ATG9A: variants seen among roughly 807,000 people sequenced by gnomAD.
ATG9A encodes autophagy-related protein 9A.
In ATG9A, 21 loss-of-function variants were observed where a neutral mutation model predicts 87.1. The ratio of observed to expected loss-of-function variants is 0.24; its 90% CI spans 0.17 to 0.35. The LOEUF (loss-of-function observed/expected upper bound fraction) is 0.35, where lower values mean the gene tolerates loss of function less well. Among genes scored for constraint, ATG9A ranks in the 10% least tolerant of loss-of-function variants. ATG9A has a pLI of 1.00. For missense variants in ATG9A, 836 were observed against 1,107.3 expected (o/e 0.76, Z 3.48); for synonymous variants, 422 against 441.3 (o/e 0.96, Z 0.55).
In ATG9A at chr2:219,225,477, T is replaced by A. The variant is rs963455086; in HGVS notation, c.308A>T (p.His103Leu). The A allele has an allele frequency of 1.2e-6, 2 of 1,613,894 alleles. No individual in the cohort carries two copies. Among genetic ancestry groups the A allele is most frequent in the East Asian group, 4.5e-5 (2 of 44,894 alleles). ...AGTGACCTTGACGGGTTCAGTAGGG[T>A]GAAGACTGTGGTTCACCATCTTGTT... is the stretch of plus-strand genomic sequence containing the variant. ...FANKMVNHSL[H>L]PTEPVKVTLP... The change falls in exon 6 of 16, where the codon CAC (histidine) becomes CTC (leucine). Residue 103 changes from histidine to leucine, a missense_variant. His to Leu is a moderately conservative substitution (Grantham distance 99, BLOSUM62 -3). Around this residue, in one of 2 missense-constraint regions of ATG9A, gnomAD observed 512 missense variants for 759.6 expected, o/e 0.67. Transcript: ENST00000361242.
rs754274617 is a variant in ATG9A, at chr2:219,224,095, C to A, written c.1265+11G>T. 11 of 1,610,842 alleles carry A rather than the reference C, an allele frequency of 6.8e-6. No individual in the cohort carries two copies. The highest frequency in any genetic ancestry group is 9.3e-6 in the Non-Finnish European group (11 of 1,177,852). The stretch of plus-strand genomic sequence containing the variant: ...CTAGCCGGCTTGCTCCCGCCTGTGG[C>A]CCTGGCCCACCTGCACACGGTCACG... On this transcript the variant is annotated intron_variant, in intron 8 of 15. Coordinates refer to ENST00000361242, the MANE Select transcript of ATG9A (RefSeq NM_001077198.3). This position sits in a 1 kb window ranked among gnomAD's most constrained non-coding sequence, Gnocchi z 7.7.
At position 219,227,938 on chromosome 2, in the gene ATG9A, G is replaced by A. The variant is rs766480047; in HGVS notation, c.87C>T (p.Val29=). ...PPGEEDLLVH[V]AEGSKSPWHH... ...AGAACTCACACTTGCTCCCCTCGGC[G>A]ACGTGCACCAACAGGTCCTCCTCCC... The change falls in exon 3 of 16, where the codon GTC becomes GTT. Residue 29 remains valine (V), a synonymous_variant. Transcript: ENST00000361242. The A allele has an allele frequency of 3.7e-6, 6 of 1,613,974 alleles. No individual in the cohort carries two copies. Among genetic ancestry groups the A allele is most frequent in the Non-Finnish European group, 3.4e-6 (4 of 1,180,012 alleles).
At position 219,220,078 on chromosome 2, in the gene ATG9A, G is replaced by C. The variant is rs990649513; in HGVS notation, c.*369C>G. The C allele has an allele frequency of 3.6e-6, 1 of 279,150 alleles. No homozygotes were observed. 17.3% of individuals were successfully genotyped at this position (279,150 alleles called of 1,614,324 possible). A position where few individuals can be genotyped will look rare whatever the true frequency, so the allele number is the denominator to read the frequency against. On this transcript the variant is annotated 3_prime_UTR_variant, in exon 16 of 16. Coordinates refer to ENST00000361242, the MANE Select transcript of ATG9A (RefSeq NM_001077198.3). The stretch of plus-strand genomic sequence containing the variant: ...CCAGGCCCAACCTCCCCACTCCACA[G>C]TTGGCACAGGTTCTCCCTGCTTGGC...
At position 219,220,469 on chromosome 2, in the gene ATG9A, T is replaced by C. The variant is rs200547303; in HGVS notation, c.2515-17A>G. On this transcript the variant is annotated splice_polypyrimidine_tract_variant and intron_variant, in intron 15 of 15. Transcript: ENST00000361242. ...TGTCTATACCTGTGGGGAGAAAGGG[T>C]TGGTAATGGAGATAGTCTTCAGCTT... 2.5e-6 allele frequency: 4 copies of C among 1,613,372 alleles called. No homozygotes were observed. The highest frequency in any genetic ancestry group is 1.1e-5 in the South Asian group (1 of 91,054).
At position 219,229,548 on chromosome 2, in the gene ATG9A, A is replaced by C. The variant is rs1950963255; in HGVS notation, c.-95T>G. On this transcript the variant is annotated 5_prime_UTR_variant, in exon 1 of 16. Coordinates refer to ENST00000361242, the MANE Select transcript of ATG9A (RefSeq NM_001077198.3). The surrounding 1 kb of genome is among the most constrained non-coding windows in gnomAD (Gnocchi z 4.2). ...CTCACGTCTTACCTCAGGAACAGCG[A>C]CCCGGGTGATTCCAGAGGCTCCGCC... The C allele has an allele frequency of 6.6e-6, 1 of 152,246 alleles. No individual in the cohort carries two copies. The highest frequency in any genetic ancestry group is 1.5e-5 in the Non-Finnish European group (1 of 68,028). 9.4% of individuals were successfully genotyped at this position (152,246 alleles called of 1,614,324 possible). A position where few individuals can be genotyped will look rare whatever the true frequency, so the allele number is the denominator to read the frequency against.
chr2:219,224,131 G>C lies in ATG9A; in HGVS notation c.1240C>G (p.Leu414Val). Reference protein sequence around the residue: ...VEHVLTTVTLLGVTVTVCRSF... With the variant: ...VEHVLTTVTLVGVTVTVCRSF... ...CTGCACACGGTCACGGTGACCCCCA[G>C]GAGTGTGACGGTGGTCAGCACATGT... Residue 414 changes from leucine (L) to valine (V), a missense_variant, in exon 8 of 16, where the codon CTG becomes GTG. Physicochemically the swap from Leu to Val is conservative, Grantham distance 32. Around this residue, in one of 2 missense-constraint regions of ATG9A, gnomAD observed 512 missense variants for 759.6 expected, o/e 0.67. Coordinates refer to ENST00000361242, the MANE Select transcript of ATG9A (RefSeq NM_001077198.3). The surrounding 1 kb of genome is among the most constrained non-coding windows in gnomAD (Gnocchi z 7.7). The C allele has an allele frequency of 6.2e-7, 1 of 1,613,812 alleles. No homozygotes were observed. Among genetic ancestry groups the C allele is most frequent in the South Asian group, 1.1e-5 (1 of 91,072 alleles).
At position 219,224,951 on chromosome 2, in the gene ATG9A, G is replaced by A; in HGVS notation, c.517-97C>T. Reference sequence around the variant, plus strand: ...TAGAAGTGAGATTCAGGGGTTGTGAGCTTAAGAGACAGTTCCTGATTTGTC... The same window carrying A: ...TAGAAGTGAGATTCAGGGGTTGTGAACTTAAGAGACAGTTCCTGATTTGTC... On this transcript the variant is annotated intron_variant, in intron 7 of 15. Coordinates refer to ENST00000361242, the MANE Select transcript of ATG9A (RefSeq NM_001077198.3). The surrounding 1 kb of genome is among the most constrained non-coding windows in gnomAD (Gnocchi z 7.7). 4 of 1,577,128 alleles carry A rather than the reference G, an allele frequency of 2.5e-6. No individual in the cohort carries two copies. Among genetic ancestry groups the A allele is most frequent in the South Asian group, 1.1e-5 (1 of 87,822 alleles).
At chr2:219,221,388 C>T (rs1365409447) in intron 13 of ATG9A, 86 bp from the exon 14 acceptor site, 8 of 1,260,380 alleles carry the variant, frequency 6.3e-6, no homozygotes, top group African/African-American at 3.0e-5. Context: ...AGTCAGTTCC[C>T]GCTTTACCCC....
In ATG9A at chr2:219,220,999, C is replaced by A. The variant is rs975321291; in HGVS notation, c.2368+81G>T. The A allele has an allele frequency of 4.4e-6, 7 of 1,591,584 alleles. No individual in the cohort carries two copies. In the South Asian group the frequency reaches 5.6e-5, roughly 13 times the overall value. ...GAGTCTTTGGGCCTGTTCTCTCAGA[C>A]CTCTTTCCTCCCCTTGAGAGGCCCT... On this transcript the variant is annotated intron_variant, in intron 14 of 15. Transcript: ENST00000361242.
intron 15 of ATG9A, 120 bp from the exon 16 acceptor site, chr2:219,220,572 AGG>A: frequency 1.3e-6 from 2 of 1,524,396 alleles, no homozygotes; most frequent in South Asian, 1.2e-5. Flanking sequence ...AGGTAAGGTA[AGG>A]AAAAACCAAG....
chr2:219,223,711 G>T lies in ATG9A; in HGVS notation c.1473C>A (p.Ile491=), dbSNP rs769290007. 1 of 1,613,770 alleles carries T rather than the reference G, an allele frequency of 6.2e-7. No homozygotes were observed. The highest frequency in any genetic ancestry group is 1.6e-4 in the Middle Eastern group (1 of 6,062). The change falls in exon 10 of 16, where the codon ATC becomes ATA. Residue 491 remains isoleucine, a synonymous_variant. Transcript: ENST00000361242. The surrounding 1 kb of genome is among the most constrained non-coding windows in gnomAD (Gnocchi z 4.7). ...CCAGGGCCCGTGGGCGCAGGCAGAA[G>T]ATGAGGATGAGGGGTGTGACAATGG... is the stretch of plus-strand genomic sequence containing the variant. ...LSPIVTPLIL[I]FCLRPRALEI... is the part of the protein sequence containing the mutation.
chr2:219,223,807 C>A lies in ATG9A; in HGVS notation c.1420-43G>T, dbSNP rs919698788. 1.9e-6 allele frequency: 3 copies of A among 1,613,728 alleles called. No homozygotes were observed. The highest frequency in any genetic ancestry group is 2.5e-6 in the Non-Finnish European group (3 of 1,179,922). ...AGGTCACAAGCGAGCAGGAGGGAGC[C>A]CAGCCCTCACCACCGAGCTACCAGC... On this transcript the variant is annotated intron_variant, in intron 9 of 15. Transcript: ENST00000361242. The surrounding 1 kb of genome is among the most constrained non-coding windows in gnomAD (Gnocchi z 4.7).
chr2:219,223,239 T>C lies in ATG9A; in HGVS notation c.1599+346A>G, dbSNP rs1950799323. Among the ~76,000 whole-genome samples the C allele has an allele frequency of 6.6e-6, 1 of 152,130 alleles. No individual in the cohort carries two copies. Among genetic ancestry groups the C allele is most frequent in the African/African-American group, 2.4e-5 (1 of 41,514 alleles). On this transcript the variant is annotated intron_variant, in intron 10 of 15. Coordinates refer to ENST00000361242, the MANE Select transcript of ATG9A (RefSeq NM_001077198.3). This position sits in a 1 kb window ranked among gnomAD's most constrained non-coding sequence, Gnocchi z 4.7. The stretch of plus-strand genomic sequence containing the variant: ...AGTAGCTGGGACTACAGGCGCCCGC[T>C]ACCACGCCTGGCTAATTTTTTTGTA...
Position 219,223,706 on chromosome 2 carries a change from C to G in ATG9A, c.1478G>C (p.Cys493Ser), listed in dbSNP as rs1299558413. 1.9e-6 allele frequency: 3 copies of G among 1,613,574 alleles called. No homozygotes were observed. In the African/African-American group the frequency reaches 4.0e-5, roughly 22 times the overall value. Residue 493 changes from cysteine (C) to serine (S), a missense_variant, in exon 10 of 16, where the codon TGC (cysteine) becomes TCC (serine). By Grantham distance (112) the Cys-to-Ser change is moderately radical. Coordinates refer to ENST00000361242, the MANE Select transcript of ATG9A (RefSeq NM_001077198.3). This position sits in a 1 kb window ranked among gnomAD's most constrained non-coding sequence, Gnocchi z 4.7. Reference sequence around the variant, plus strand: ...AATCTCCAGGGCCCGTGGGCGCAGGCAGAAGATGAGGATGAGGGGTGTGAC... The same window carrying G: ...AATCTCCAGGGCCCGTGGGCGCAGGGAGAAGATGAGGATGAGGGGTGTGAC... ...PIVTPLILIF[C>S]LRPRALEIID...
chr2:219,225,329 G>C, intron 6 of ATG9A, 82 bp downstream of exon 6: 1 of 1,594,226 alleles, frequency 6.3e-7, no homozygotes, highest in Non-Finnish European at 8.6e-7. Flanking sequence ...TGGAGTATGA[G>C]TTGCTGCCTC....
Position 219,223,535 on chromosome 2 carries a change from G to C in ATG9A, c.1599+50C>G, listed in dbSNP as rs1236622006. ...TTTTTGCGGTTTTCCCAAAGACACT[G>C]TATGTTCCAGCATCATCCCAGGCCA... is the stretch of plus-strand genomic sequence containing the variant. On this transcript the variant is annotated intron_variant, in intron 10 of 15. Coordinates refer to ENST00000361242, the MANE Select transcript of ATG9A (RefSeq NM_001077198.3). This position sits in a 1 kb window ranked among gnomAD's most constrained non-coding sequence, Gnocchi z 4.7. 6.5e-7 allele frequency: 1 copy of C among 1,539,466 alleles called. No individual in the cohort carries two copies. The highest frequency in any genetic ancestry group is 8.8e-7 in the Non-Finnish European group (1 of 1,142,802).
chr2:219,227,853 C>T, intron 3 of ATG9A, 40 bp from the exon 4 acceptor site: 1 of 1,613,132 alleles, frequency 6.2e-7, no homozygotes, highest in Non-Finnish European at 8.5e-7. Flanking sequence ...CCTGGGAGAA[C>T]ACAAGCCCCT....
Position 219,224,674 on chromosome 2 carries a change from G to A in ATG9A, c.697C>T (p.Arg233Cys), listed in dbSNP as rs186635663. 11 of 1,614,246 alleles carry A rather than the reference G, an allele frequency of 6.8e-6. No homozygotes were observed. Among genetic ancestry groups the A allele is most frequent in the Middle Eastern group, 1.6e-4 (1 of 6,062 alleles). The change falls in exon 8 of 16, where the codon CGC becomes TGC. Residue 233 changes from arginine to cysteine, a missense_variant. By Grantham distance (180) the Arg-to-Cys change is radical. Coordinates refer to ENST00000361242, the MANE Select transcript of ATG9A (RefSeq NM_001077198.3). The surrounding 1 kb of genome is among the most constrained non-coding windows in gnomAD (Gnocchi z 7.7). ...ACAGCTTCCCCGAGGCCAGGCAGGCGGAAGCGCAGAGGCAGGAGGGATTTG... is the reference window on the plus strand; with the variant it reads ...ACAGCTTCCCCGAGGCCAGGCAGGCAGAAGCGCAGAGGCAGGAGGGATTTG... ...VNKSLLPLRF[R>C]LPGLGEAVFF...
In ATG9A at chr2:219,224,209, G is replaced by A. The variant is rs1024710617; in HGVS notation, c.1162C>T (p.Leu388=). Residue 388 remains leucine (L), a synonymous_variant, in exon 8 of 16, where the codon CTG becomes TTG. Coordinates refer to ENST00000361242, the MANE Select transcript of ATG9A (RefSeq NM_001077198.3). The surrounding 1 kb of genome is among the most constrained non-coding windows in gnomAD (Gnocchi z 7.7). ...KNGAFFAGSI[L]AVLIALTIYD... ...ATGGTGAGGGCAATAAGCACAGCCA[G>A]GATGGAGCCAGCGAAGAAGGCTCCA... 2.5e-6 allele frequency: 4 copies of A among 1,613,870 alleles called. No homozygotes were observed. The highest frequency in any genetic ancestry group is 2.7e-5 in the African/African-American group (2 of 75,074).
Sources: allele counts gnomAD v4.1 joint callset (sites outside exome capture counted in the v4.1 genomes callset), GRCh38; gene constraint gnomAD v4.1.1; regional missense constraint gnomAD v4.1.1; non-coding constraint Gnocchi (gnomAD v3.1); transcripts MANE v1.5; gene names NCBI Gene and HGNC (gene_info 2026-07-23, HGNC 2026-07-21).